The following C9orf153 variants were observed in gnomAD, a reference collection of about 807,000 sequenced individuals.
C9orf153 encodes the protein uncharacterized protein C9orf153.
In C9orf153, 10 loss-of-function variants were observed where a neutral mutation model predicts 9.0. The observed-to-expected ratio is 1.11, with a 90% CI of 0.69 to 1.89. C9orf153 has a LOEUF of 1.89. C9orf153 is among the 40% of genes most tolerant of loss of function. C9orf153 has a pLI of 0.00. For synonymous variants in C9orf153, 35 were observed against 37.3 expected (o/e 0.94, Z 0.23); for missense variants, 108 against 111.0 (o/e 0.97, Z 0.12).
intron 1 of C9orf153, among the ~76,000 whole-genome samples, 198 bp from the exon 2 acceptor site, chr9:86,229,827 A>T (rs1824428782): frequency 6.6e-6 from 1 of 152,170 alleles, no homozygotes; most frequent in Non-Finnish European, 1.5e-5. Flanking sequence ...AATAGGTTTA[A>T]TTGGCTCATG....
rs528167873 is a variant in C9orf153, at chr9:86,236,731, G to A, written c.-26-7102C>T. ...TAAGGAAGTGAAAAGTATTAGAGAA[G>A]GAGTAAATGAAGATTAAAATAAAAA... On this transcript the variant is annotated intron_variant, in intron 1 of 3. Coordinates refer to ENST00000339137, the MANE Select transcript of C9orf153 (RefSeq NM_001276366.4). Among the ~76,000 whole-genome samples, 4 of 151,786 alleles carry A rather than the reference G, an allele frequency of 2.6e-5. No homozygotes were observed. In the East Asian group the frequency reaches 7.7e-4, roughly 29 times the overall value.
At chr9:86,225,995 C>T (rs1220895391) in intron 3 of C9orf153, among the ~76,000 whole-genome samples, 1 of 152,154 alleles carries the variant, frequency 6.6e-6, no homozygotes, top group Non-Finnish European at 1.5e-5. Flanking sequence ...ATGTTCAAGA[C>T]CTTATCAAAC....
chr9:86,235,546 G>T (rs759625000), intron 1 of C9orf153, among the ~76,000 whole-genome samples: 2 of 141,634 alleles, frequency 1.4e-5, no homozygotes, highest in Non-Finnish European at 2.9e-5. Flanking sequence ...CATGAGGTCA[G>T]GAGTTCAAGA....
chr9:86,234,560 C>T (rs1267008084), intron 1 of C9orf153, among the ~76,000 whole-genome samples: 4 of 152,104 alleles, frequency 2.6e-5, no homozygotes, highest in Non-Finnish European at 5.9e-5. Flanking sequence ...ACAAAATGAA[C>T]CTAAAATGGA....
intron 1 of C9orf153, among the ~76,000 whole-genome samples, chr9:86,238,513 T>C (rs545981367): frequency 5.4e-4 from 83 of 152,350 alleles, no homozygotes; most frequent in African/African-American, 1.9e-3. Context: ...GAATATGATC[T>C]TGTTTTTGTT....
chr9:86,236,055 TAAAGA>T (rs1434193607), intron 1 of C9orf153, among the ~76,000 whole-genome samples: 3 of 151,760 alleles, frequency 2.0e-5, no homozygotes, highest in Non-Finnish European at 1.5e-5. Context: ...AAACCAAAGA[TAAAGA>T]AAAGAAATCT....
At chr9:86,235,482 T>A (rs1482836496) in intron 1 of C9orf153, among the ~76,000 whole-genome samples, 2 of 151,488 alleles carry the variant, frequency 1.3e-5, no homozygotes, top group African/African-American at 4.8e-5. Context: ...AAAGGCCAGG[T>A]GTGGTGGCTT....
chr9:86,249,979 G>C (rs957457078), intron 1 of C9orf153, among the ~76,000 whole-genome samples: 2 of 152,282 alleles, frequency 1.3e-5, no homozygotes, highest in South Asian at 2.1e-4. Context: ...CACTCAATGG[G>C]GTATAGATGG....
rs1824205623 is a variant in C9orf153 at position 86,221,649 on chromosome 9, A to G, written c.*39T>C. On this transcript the variant is annotated 3_prime_UTR_variant, in exon 4 of 4. Transcript: ENST00000339137. ...CTCAGTGTTGTATTTTATGTCTCCG[A>G]ATGAAATTGCAGTAGTGCGCCTCCA... 1.3e-6 allele frequency: 2 copies of G among 1,543,398 alleles called. No homozygotes were observed. The highest frequency in any genetic ancestry group is 1.7e-6 in the Non-Finnish European group (2 of 1,143,884).
chr9:86,228,393 C>A (rs1309080103), intron 2 of C9orf153, among the ~76,000 whole-genome samples: 1 of 152,050 alleles, frequency 6.6e-6, no homozygotes, highest in Non-Finnish European at 1.5e-5. Flanking sequence ...GTGGCCTTTG[C>A]TTGTTTTGAA....
intron 1 of C9orf153, among the ~76,000 whole-genome samples, chr9:86,250,624 CAATA>C (rs1186198583): frequency 6.6e-6 from 1 of 152,138 alleles, no homozygotes; most frequent in Non-Finnish European, 1.5e-5. Flanking sequence ...GTTTGTATTT[CAATA>C]AGTAAGACAT....
At chr9:86,255,758 C>T (rs185085134) in intron 1 of C9orf153, among the ~76,000 whole-genome samples, 4 of 152,282 alleles carry the variant, frequency 2.6e-5, no homozygotes, top group African/African-American at 9.6e-5. Context: ...TAAATAAATT[C>T]GTATGCCTTT....
intron 3 of C9orf153, 135 bp downstream of exon 3, chr9:86,227,720 G>C: frequency 1.4e-6 from 2 of 1,396,302 alleles, no homozygotes; most frequent in Non-Finnish European, 1.9e-6. Context: ...GTGCTTGGGA[G>C]GGGAGATCCC....
intron 3 of C9orf153, among the ~76,000 whole-genome samples, chr9:86,225,433 CCTTCCTTCCTT>C (rs1824304701): frequency 9.0e-5 from 13 of 144,056 alleles, no homozygotes; most frequent in African/African-American, 3.5e-4. Flanking sequence ...TTCCTTCCTT[CCTTCCTTCCTT>C]CCTCTCTTTC....
rs891323032 is a variant in C9orf153 at position 86,221,640 on chromosome 9, A to G, written c.*48T>C. ...AAATCTCTTCTCAGTGTTGTATTTTATGTCTCCGAATGAAATTGCAGTAGT... is the reference window on the plus strand; with the variant it reads ...AAATCTCTTCTCAGTGTTGTATTTTGTGTCTCCGAATGAAATTGCAGTAGT... On this transcript the variant is annotated 3_prime_UTR_variant, in exon 4 of 4. Coordinates refer to ENST00000339137, the MANE Select transcript of C9orf153 (RefSeq NM_001276366.4). The G allele has an allele frequency of 1.0e-5, 16 of 1,542,270 alleles. No homozygotes were observed. The highest frequency in any genetic ancestry group is 1.3e-5 in the Non-Finnish European group (15 of 1,143,486).
Position 86,221,459 on chromosome 9 carries a change from A to C in C9orf153, c.*229T>G. 1 of 1,200,916 alleles carries C rather than the reference A, an allele frequency of 8.3e-7. No homozygotes were observed. The highest frequency in any genetic ancestry group is 1.1e-6 in the Non-Finnish European group (1 of 941,896). The allele number at this position is 1,200,916 out of a possible 1,614,324, so 74.4% of individuals were successfully genotyped here. A position where few individuals can be genotyped will look rare whatever the true frequency, so the allele number is the denominator to read the frequency against. On this transcript the variant is annotated 3_prime_UTR_variant, in exon 4 of 4. Coordinates refer to ENST00000339137, the MANE Select transcript of C9orf153 (RefSeq NM_001276366.4). ...TTTTGTGTATTAAATCAATGCTCTC[A>C]AAAGCAAAAATCTACGTCCAAAATA...
At chr9:86,224,391 A>T (rs1824272046) in intron 3 of C9orf153, among the ~76,000 whole-genome samples, 1 of 151,974 alleles carries the variant, frequency 6.6e-6, no homozygotes, top group African/African-American at 2.4e-5. Context: ...AAAAAAAATT[A>T]AAATTGAAGT....
At chr9:86,235,241 A>G (rs984506055) in intron 1 of C9orf153, among the ~76,000 whole-genome samples, 4 of 152,196 alleles carry the variant, frequency 2.6e-5, no homozygotes, top group African/African-American at 9.7e-5. Flanking sequence ...TTAATGTGCT[A>G]AGGACTCTCA....
chr9:86,256,026 C>T (rs1825117176), intron 1 of C9orf153, among the ~76,000 whole-genome samples: 1 of 152,262 alleles, frequency 6.6e-6, no homozygotes, highest in Non-Finnish European at 1.5e-5. Flanking sequence ...ATCACACCTG[C>T]AGCTTTGCTT....
Sources: gnomAD v4.1 joint callset for allele counts (sites outside exome capture counted in the v4.1 genomes callset) on GRCh38, gnomAD v4.1.1 for gene constraint, MANE v1.5 for transcripts, NCBI Gene and HGNC (gene_info 2026-07-23, HGNC 2026-07-21) for gene names.